HSPBAP1: variants seen among roughly 807,000 people sequenced by gnomAD.
HSPBAP1 encodes the protein HSPB1-associated protein 1.
In HSPBAP1, 27 loss-of-function variants were observed where a neutral mutation model predicts 45.2. The ratio of observed to expected loss-of-function variants is 0.60; its 90% CI spans 0.44 to 0.82. The LOEUF (loss-of-function observed/expected upper bound fraction) is 0.82, where lower values mean the gene tolerates loss of function less well. HSPBAP1 is among the 40% of genes least tolerant of loss of function. HSPBAP1 has a pLI of 0.00. For missense variants in HSPBAP1, 510 were observed against 590.9 expected, an observed-to-expected ratio of 0.86 and a Z score of 1.42; for synonymous variants, 204 against 202.7, an observed-to-expected ratio of 1.01 and a Z score of -0.06.
In HSPBAP1 at chr3:122,784,738, C is replaced by G. The variant is rs759117945; in HGVS notation, c.65-6832G>C. Among the ~76,000 whole-genome samples, 174 of 152,128 alleles carry G rather than the reference C, an allele frequency of 1.1e-3. 2 individuals carry two copies. The highest frequency in any genetic ancestry group is 7.5e-4 in the Non-Finnish European group (51 of 68,036). On this transcript the variant is annotated intron_variant, in intron 1 of 7. Transcript: ENST00000306103. ...ATGTGGGGTGGGAGTCAGATGTAGC[C>G]AAAAGACTGAGGTGTCTAGACTTGG...
chr3:122,779,240 A>C (rs1935318141), intron 1 of HSPBAP1, among the ~76,000 whole-genome samples: 1 of 151,150 alleles, frequency 6.6e-6, no homozygotes, highest in Non-Finnish European at 1.5e-5. Context: ...ACGGGCTTTC[A>C]CCATCTTGGC....
intron 2 of HSPBAP1, among the ~76,000 whole-genome samples, chr3:122,776,625 G>C (rs1262031591): frequency 6.6e-6 from 1 of 152,172 alleles, no homozygotes; most frequent in Non-Finnish European, 1.5e-5. Context: ...ACTTCAGTGA[G>C]AGGCAGATTT....
intron 1 of HSPBAP1, among the ~76,000 whole-genome samples, chr3:122,790,372 T>C (rs551599203): frequency 2.6e-5 from 4 of 152,304 alleles, no homozygotes; most frequent in Admixed American, 6.5e-5. Flanking sequence ...TTTAGTAGAA[T>C]TGGTATCCTC....
At position 122,740,363 on chromosome 3, in the gene HSPBAP1, T is replaced by C; in HGVS notation, c.1449A>G (p.Ile483Met). The change falls in exon 8 of 8, where the codon ATA (isoleucine) becomes ATG (methionine). Residue 483 changes from isoleucine to methionine, a missense_variant. Transcript: ENST00000306103. ...QVTRIVAQLL[I>M]QGRSL ...ACTTGAATCATAAACTTCTTCCTTG[T>C]ATCAAAAGTTGTGCCACTATCCTGG... The C allele has an allele frequency of 6.2e-7, 1 of 1,602,264 alleles. No individual in the cohort carries two copies. Among genetic ancestry groups the C allele is most frequent in the South Asian group, 1.1e-5 (1 of 90,352 alleles).
At position 122,740,781 on chromosome 3, in the gene HSPBAP1, A is replaced by T. The variant is rs767900404; in HGVS notation, c.1031T>A (p.Ile344Asn). 8.7e-6 allele frequency: 14 copies of T among 1,613,932 alleles called. No homozygotes were observed. The South Asian group carries it at 1.5e-4, about 18-fold the overall frequency. ...DRCRTSEVVE[I>N]QALRTDGEHM... ...CTCTCCATCTGTTCTCAGTGCTTGG[A>T]TTTCTACTACCTCAGATGTTCTGCA... Residue 344 changes from isoleucine to asparagine, a missense_variant, in exon 8 of 8, where the codon ATC (isoleucine) becomes AAC (asparagine). Physicochemically the swap from Ile to Asn is moderately radical, Grantham distance 149 (BLOSUM62 -3). Coordinates refer to ENST00000306103, the MANE Select transcript of HSPBAP1 (RefSeq NM_024610.6).
At chr3:122,758,195 C>T (rs1021258596) in intron 4 of HSPBAP1, among the ~76,000 whole-genome samples, 2 of 152,214 alleles carry the variant, frequency 1.3e-5, no homozygotes, top group Non-Finnish European at 2.9e-5. Flanking sequence ...AAATGTCCCA[C>T]ATGACCAGGA....
intron 1 of HSPBAP1, among the ~76,000 whole-genome samples, chr3:122,788,500 C>T (rs1576279638): frequency 6.6e-6 from 1 of 152,310 alleles, no homozygotes; most frequent in South Asian, 2.1e-4. Context: ...CATCTGCACA[C>T]CCATGTTCAC....
At chr3:122,770,284 A>G (rs1298820754) in intron 2 of HSPBAP1, among the ~76,000 whole-genome samples, 1 of 152,238 alleles carries the variant, frequency 6.6e-6, no homozygotes, top group East Asian at 1.9e-4. Flanking sequence ...GAACTTAACT[A>G]GGGCACATTT....
At chr3:122,772,007 A>G (rs1394404183) in intron 2 of HSPBAP1, among the ~76,000 whole-genome samples, 2 of 152,226 alleles carry the variant, frequency 1.3e-5, no homozygotes, top group Non-Finnish European at 2.9e-5. Flanking sequence ...AAACACACAG[A>G]AACAACTGGC....
intron 6 of HSPBAP1, among the ~76,000 whole-genome samples, chr3:122,745,049 A>G (rs1933798434): frequency 1.3e-5 from 2 of 152,218 alleles, no homozygotes; most frequent in Admixed American, 1.3e-4. Flanking sequence ...TTAATATGAT[A>G]AAACACATAC....
rs1576271250 is a variant in HSPBAP1, at chr3:122,780,261, G to A, written c.65-2355C>T. ...TGACCCCCCCACCTCCCTCCCGGAC[G>A]GGGCGGCTGGCCGGGCGGGGGGCTG... On this transcript the variant is annotated intron_variant, in intron 1 of 7. Coordinates refer to ENST00000306103, the MANE Select transcript of HSPBAP1 (RefSeq NM_024610.6). 6.1e-5 allele frequency among the ~76,000 whole-genome samples: 5 copies of A among 81,620 alleles called. 1 individual carries two copies. The highest frequency in any genetic ancestry group is 2.3e-4 in the Admixed American group (2 of 8,620). 53.5% of individuals were successfully genotyped at this position (81,620 alleles called of 152,430 possible).
At chr3:122,771,146 G>T (rs549798582) in intron 2 of HSPBAP1, among the ~76,000 whole-genome samples, 31 of 152,304 alleles carry the variant, frequency 2.0e-4, no homozygotes, top group African/African-American at 7.0e-4. Flanking sequence ...TTACTGTCAG[G>T]GGAAAATTAT....
In HSPBAP1 at chr3:122,793,705, G is replaced by A. The variant is rs376579514; in HGVS notation, c.-25C>T. 26 of 1,611,612 alleles carry A rather than the reference G, an allele frequency of 1.6e-5. No homozygotes were observed. Among genetic ancestry groups the A allele is most frequent in the Non-Finnish European group, 2.2e-5 (26 of 1,178,298 alleles). ...TGGCTACCGCAAGGCGGGTTCTGCCGGAACCCAAGGCGGAGCGGAGCTGGG... is the reference window on the plus strand; with the variant it reads ...TGGCTACCGCAAGGCGGGTTCTGCCAGAACCCAAGGCGGAGCGGAGCTGGG... On this transcript the variant is annotated 5_prime_UTR_variant, in exon 1 of 8. Coordinates refer to ENST00000306103, the MANE Select transcript of HSPBAP1 (RefSeq NM_024610.6).
chr3:122,784,359 A>T (rs1213480067), intron 1 of HSPBAP1, among the ~76,000 whole-genome samples: 1 of 152,238 alleles, frequency 6.6e-6, no homozygotes, highest in Non-Finnish European at 1.5e-5. Context: ...ACAAATAATT[A>T]ATCATAAGCT....
At chr3:122,750,598 C>G (rs1007567113) in intron 6 of HSPBAP1, among the ~76,000 whole-genome samples, 1 of 151,884 alleles carries the variant, frequency 6.6e-6, no homozygotes, top group Non-Finnish European at 1.5e-5. Flanking sequence ...CTGAAAGAGC[C>G]TAGAAACACT....
At chr3:122,747,921 C>T (rs1190976413) in intron 6 of HSPBAP1, among the ~76,000 whole-genome samples, 2 of 152,024 alleles carry the variant, frequency 1.3e-5, no homozygotes, top group East Asian at 1.9e-4. Flanking sequence ...ATGACAATGG[C>T]GGTTTTGTGG....
At chr3:122,748,094 G>A (rs1157917735) in intron 6 of HSPBAP1, among the ~76,000 whole-genome samples, 1 of 152,222 alleles carries the variant, frequency 6.6e-6, no homozygotes, top group Non-Finnish European at 1.5e-5. Context: ...CCAACCCTGT[G>A]CTCTCTGAAA....
intron 4 of HSPBAP1, among the ~76,000 whole-genome samples, chr3:122,757,220 A>T (rs1251111971): frequency 2.0e-5 from 3 of 152,224 alleles, no homozygotes; most frequent in Non-Finnish European, 1.5e-5. Context: ...ATGGTTCTGG[A>T]TGCTGAAAGA....
At chr3:122,788,826 AC>A (rs2107544949) in intron 1 of HSPBAP1, among the ~76,000 whole-genome samples, 1 of 152,310 alleles carries the variant, frequency 6.6e-6, no homozygotes, top group East Asian at 1.9e-4. Context: ...TTTAACGGAT[AC>A]AGAGTTCCAG....
Sources: allele counts gnomAD v4.1 joint callset (sites outside exome capture counted in the v4.1 genomes callset), GRCh38; gene constraint gnomAD v4.1.1; transcripts MANE v1.5; gene names NCBI Gene and HGNC (gene_info 2026-07-23, HGNC 2026-07-21).